Variants in HS3ST4 observed in about 807,000 individuals in gnomAD.
HS3ST4 encodes heparan sulfate-glucosamine 3-sulfotransferase 4.
HS3ST4 carries 17 observed loss-of-function variants against 29.2 expected under a neutral mutation model. The ratio of observed to expected loss-of-function variants is 0.58; its 90% CI spans 0.40 to 0.87. The LOEUF (loss-of-function observed/expected upper bound fraction) is 0.87, where lower values mean the gene tolerates loss of function less well. HS3ST4 is among the 40% of genes least tolerant of loss of function. HS3ST4 has a pLI of 0.00. For missense variants in HS3ST4, 627 were observed against 634.5 expected (o/e 0.99, Z 0.13); for synonymous variants, 314 against 285.7 (o/e 1.10, Z -1.00).
chr16:25,769,479 T>A (rs1049587552), intron 1 of HS3ST4, among the ~76,000 whole-genome samples: 1 of 152,094 alleles, frequency 6.6e-6, no homozygotes, highest in Admixed American at 6.6e-5. Context: ...CATCTAGGCA[T>A]TTTACCTGTT....
At chr16:25,699,405 A>G (rs534641595) in intron 1 of HS3ST4, among the ~76,000 whole-genome samples, 36 of 152,374 alleles carry the variant, frequency 2.4e-4, no homozygotes, top group Middle Eastern at 6.8e-3. Flanking sequence ...TCCGTTCTCA[A>G]TTAACGTTCT....
rs573344509 is a variant in HS3ST4 at position 25,860,180 on chromosome 16, T to A, written c.734+167029T>A. Among the ~76,000 whole-genome samples, 29 of 152,266 alleles carry A rather than the reference T, an allele frequency of 1.9e-4. 2 individuals carry two copies. In the South Asian group the frequency reaches 3.7e-3, roughly 20 times the overall value. ...AGGGTTGAGACCCCTGCTATTAGAA[T>A]GACCAAAATCCAAAACACTGACAAC... is the stretch of plus-strand genomic sequence containing the variant. On this transcript the variant is annotated intron_variant, in intron 1 of 1. Coordinates refer to ENST00000331351, the MANE Select transcript of HS3ST4 (RefSeq NM_006040.3).
At chr16:26,115,611 A>G (rs1899192955) in intron 1 of HS3ST4, among the ~76,000 whole-genome samples, 1 of 152,160 alleles carries the variant, frequency 6.6e-6, no homozygotes, top group Admixed American at 6.6e-5. Context: ...TCCGGGTAGC[A>G]TATCTATCCT....
At chr16:25,821,120 C>T (rs555338750) in intron 1 of HS3ST4, among the ~76,000 whole-genome samples, 23 of 144,832 alleles carry the variant, frequency 1.6e-4, no homozygotes, top group Non-Finnish European at 2.7e-4. Flanking sequence ...TGCAGTGGTG[C>T]GATCTCGGCT....
At chr16:25,884,924 CAGAA>C (rs1424421424) in intron 1 of HS3ST4, among the ~76,000 whole-genome samples, 1 of 152,088 alleles carries the variant, frequency 6.6e-6, no homozygotes, top group Non-Finnish European at 1.5e-5. Flanking sequence ...CCTTAGTGTC[CAGAA>C]CAGTGCCTGG....
intron 1 of HS3ST4, among the ~76,000 whole-genome samples, chr16:25,892,333 C>T (rs1029794820): frequency 1.3e-5 from 2 of 152,176 alleles, no homozygotes; most frequent in African/African-American, 2.4e-5. Flanking sequence ...GATTCTGTCA[C>T]TTCCAAAACA....
At position 25,851,299 on chromosome 16, in the gene HS3ST4, G is replaced by A. The variant is rs577657353; in HGVS notation, c.734+158148G>A. Among the ~76,000 whole-genome samples the A allele has an allele frequency of 2.0e-4, 31 of 152,226 alleles. No individual in the cohort carries two copies. The South Asian group carries it at 6.0e-3, about 30-fold the overall frequency. ...ATTTGCTCACCATTTCTGATTCCAG[G>A]GAGGACGGCATGTTGCAAGTGGCTG... is the stretch of plus-strand genomic sequence containing the variant. On this transcript the variant is annotated intron_variant, in intron 1 of 1. Transcript: ENST00000331351.
chr16:25,942,899 G>A (rs1464861405), intron 1 of HS3ST4, among the ~76,000 whole-genome samples: 1 of 152,120 alleles, frequency 6.6e-6, no homozygotes, highest in East Asian at 1.9e-4. Context: ...TGGGATTACA[G>A]GTGCAAGCCA....
At position 25,692,435 on chromosome 16, in the gene HS3ST4, A is replaced by ACCTCCTCCGCCT; in HGVS notation, c.21_32dup (p.Pro13_Pro16dup). ...GAGCCGCGATGGCCCGGTGGCCCGCACCTCCTCCGCCTCCGCCTCCGCCTC... is the reference window on the plus strand; with the variant it reads ...GAGCCGCGATGGCCCGGTGGCCCGCACCTCCTCCGCCTCCTCCTCCGCCTCCGCCTCCGCCTC... On this transcript the variant is annotated inframe_insertion, in exon 1 of 2. Coordinates refer to ENST00000331351, the MANE Select transcript of HS3ST4 (RefSeq NM_006040.3). The ACCTCCTCCGCCT allele has an allele frequency of 8.7e-7, 1 of 1,153,610 alleles. No homozygotes were observed. The allele number at this position is 1,153,610 out of a possible 1,614,324, so 71.5% of individuals were successfully genotyped here. A position where few individuals can be genotyped will look rare whatever the true frequency, so the allele number is the denominator to read the frequency against.
intron 1 of HS3ST4, among the ~76,000 whole-genome samples, chr16:25,776,496 A>G (rs978922119): frequency 1.3e-5 from 2 of 152,148 alleles, no homozygotes; most frequent in South Asian, 2.1e-4. Flanking sequence ...TTGATGTCTC[A>G]TGTCTCCCTA....
At chr16:25,936,937 A>G (rs1968522354) in intron 1 of HS3ST4, among the ~76,000 whole-genome samples, 1 of 152,190 alleles carries the variant, frequency 6.6e-6, no homozygotes, top group South Asian at 2.1e-4. Flanking sequence ...GGTAGTAGAT[A>G]TTTGTGCTTT....
intron 1 of HS3ST4, among the ~76,000 whole-genome samples, chr16:26,092,087 A>C (rs1316947915): frequency 6.6e-6 from 1 of 152,096 alleles, no homozygotes; most frequent in Non-Finnish European, 1.5e-5. Context: ...GGTGGGAGGC[A>C]ACCTGGATCC....
chr16:25,777,597 A>T (rs538197530), intron 1 of HS3ST4, among the ~76,000 whole-genome samples: 1 of 152,240 alleles, frequency 6.6e-6, no homozygotes, highest in Non-Finnish European at 1.5e-5. Flanking sequence ...GGCGAAAAAC[A>T]TCTCTACTAA....
chr16:25,903,321 A>ATATACATATGTATATGTATATAT (rs1968139339), intron 1 of HS3ST4, among the ~76,000 whole-genome samples: 8 of 112,320 alleles, frequency 7.1e-5, no homozygotes, highest in African/African-American at 2.4e-4. Flanking sequence ...TGTATATATT[A>ATATACATATGTATATGTATATAT]TATATATGTA....
At chr16:26,054,301 G>GAGAGAGAGAGAGA (rs1898381063) in intron 1 of HS3ST4, among the ~76,000 whole-genome samples, 1 of 129,922 alleles carries the variant, frequency 7.7e-6, no homozygotes, top group Admixed American at 7.3e-5. Flanking sequence ...AGAGAGAGAA[G>GAGAGAGAGAGAGA]GAGGAGGAGG....
At position 25,898,009 on chromosome 16, in the gene HS3ST4, C is replaced by T. The variant is rs936117348; in HGVS notation, c.734+204858C>T. 2.8e-4 allele frequency among the ~76,000 whole-genome samples: 43 copies of T among 152,172 alleles called. 1 individual carries two copies. The highest frequency in any genetic ancestry group is 2.3e-3 in the Admixed American group (35 of 15,284). On this transcript the variant is annotated intron_variant, in intron 1 of 1. Transcript: ENST00000331351. ...GTTCATCTGAGTAGATCCGCGCAGG[C>T]GAGCCCTGGCAGTGGGTCACAGTGA... is the stretch of plus-strand genomic sequence containing the variant.
intron 1 of HS3ST4, among the ~76,000 whole-genome samples, chr16:25,743,660 C>T (rs1030487333): frequency 4.6e-5 from 7 of 152,116 alleles, no homozygotes; most frequent in South Asian, 4.2e-4. Flanking sequence ...CGTGCTTCAC[C>T]ATGACCATCT....
chr16:26,019,998 A>T (rs1301305786), intron 1 of HS3ST4, among the ~76,000 whole-genome samples: 1 of 152,096 alleles, frequency 6.6e-6, no homozygotes, highest in Non-Finnish European at 1.5e-5. Context: ...AACTGTCAAA[A>T]CACTTCTGGT....
chr16:25,778,383 T>A (rs1966849564), intron 1 of HS3ST4, among the ~76,000 whole-genome samples: 1 of 152,194 alleles, frequency 6.6e-6, no homozygotes, highest in Admixed American at 6.5e-5. Context: ...CCTCAGTTTC[T>A]GTCCTCACAT....
Sources: allele counts gnomAD v4.1 joint callset (sites outside exome capture counted in the v4.1 genomes callset), GRCh38; gene constraint gnomAD v4.1.1; transcripts MANE v1.5; gene names NCBI Gene and HGNC (gene_info 2026-07-23, HGNC 2026-07-21).